SPIRE1: variants seen among roughly 807,000 people sequenced by gnomAD.
SPIRE1 encodes the protein protein spire homolog 1.
Under a neutral mutation model 94.1 loss-of-function variants are expected in SPIRE1, and 40 were observed. That is an observed-to-expected ratio of 0.43 (90% CI 0.33 to 0.55). The LOEUF (loss-of-function observed/expected upper bound fraction) is 0.55, where lower values mean the gene tolerates loss of function less well. Among genes scored for constraint, SPIRE1 ranks in the 20% least tolerant of loss-of-function variants. SPIRE1 has a pLI of 0.06. For synonymous variants in SPIRE1, 376 were observed against 371.7 expected (o/e 1.01, Z -0.13); for missense variants, 838 against 975.2 (o/e 0.86, Z 1.87).
intron 1 of SPIRE1, among the ~76,000 whole-genome samples, chr18:12,657,087 G>C (rs1221440227): frequency 1.3e-5 from 2 of 152,206 alleles, no homozygotes; most frequent in Non-Finnish European, 2.9e-5. Context: ...CTGAGGATCC[G>C]TGCGGAGCCC....
chr18:12,506,921 T>C (rs1673931017), intron 5 of SPIRE1, among the ~76,000 whole-genome samples: 1 of 152,196 alleles, frequency 6.6e-6, no homozygotes, highest in Non-Finnish European at 1.5e-5. Flanking sequence ...CCTGTGTCTA[T>C]GCCGTTATGT....
intron 3 of SPIRE1, among the ~76,000 whole-genome samples, chr18:12,539,228 G>A (rs1395296786): frequency 1.3e-5 from 2 of 152,118 alleles, no homozygotes; most frequent in Non-Finnish European, 2.9e-5. Flanking sequence ...GGGACCTGGT[G>A]GGAGGTAACT....
intron 2 of SPIRE1, among the ~76,000 whole-genome samples, chr18:12,592,031 CT>C (rs1330501054): frequency 7.1e-6 from 1 of 140,846 alleles, no homozygotes; most frequent in East Asian, 2.2e-4. Flanking sequence ...CAGGAATTAA[CT>C]TTAACTTTGA....
At chr18:12,512,779 T>C (rs923363730) in intron 4 of SPIRE1, among the ~76,000 whole-genome samples, 5 of 147,594 alleles carry the variant, frequency 3.4e-5, no homozygotes, top group East Asian at 2.0e-4. Context: ...CTTTTTCTTT[T>C]TTTTTTTTTT....
Position 12,535,566 on chromosome 18 carries a change from T to C in SPIRE1, c.639A>G (p.Ala213=). Residue 213 remains alanine, a synonymous_variant, in exon 4 of 17, where the codon GCA becomes GCG. Coordinates refer to ENST00000409402, the MANE Select transcript of SPIRE1 (RefSeq NM_001128626.2). The part of the protein sequence containing the change: ...CAAHLPTESD[A]PNHYQAVCRA... ...GACATACTGCCTGATAATGATTTGG[T>C]GCATCTGATTCAGTAGGGAGATGAG... The C allele has an allele frequency of 6.2e-7, 1 of 1,613,216 alleles. No homozygotes were observed. The highest frequency in any genetic ancestry group is 8.5e-7 in the Non-Finnish European group (1 of 1,179,286).
intron 2 of SPIRE1, among the ~76,000 whole-genome samples, chr18:12,617,701 T>C (rs2037351620): frequency 6.6e-6 from 1 of 151,880 alleles, no homozygotes; most frequent in Admixed American, 6.6e-5. Context: ...TGAGCCACCA[T>C]ACCCGGCCTC....
At chr18:12,581,601 T>C (rs1017531403) in intron 2 of SPIRE1, among the ~76,000 whole-genome samples, 8 of 152,204 alleles carry the variant, frequency 5.3e-5, no homozygotes, top group African/African-American at 1.9e-4. Context: ...CGGTGGCTCA[T>C]GCCCGTAATC....
intron 2 of SPIRE1, among the ~76,000 whole-genome samples, chr18:12,588,775 ATCTT>A (rs1289438128): frequency 6.6e-6 from 1 of 152,156 alleles, no homozygotes; most frequent in Non-Finnish European, 1.5e-5. Context: ...ATTTTCCTAA[ATCTT>A]TGTTTTTTTA....
intron 2 of SPIRE1, among the ~76,000 whole-genome samples, chr18:12,622,201 A>C (rs1302667685): frequency 2.0e-5 from 3 of 152,160 alleles, no homozygotes; most frequent in Non-Finnish European, 4.4e-5. Context: ...CTATTTATAC[A>C]ACTGCACCAC....
intron 2 of SPIRE1, among the ~76,000 whole-genome samples, chr18:12,568,598 T>C (rs1032694167): frequency 6.6e-6 from 1 of 152,252 alleles, no homozygotes; most frequent in African/African-American, 2.4e-5. Context: ...TTAATTTGCA[T>C]GTTTATGTGG....
At chr18:12,451,091 A>G (rs1430163999) in intron 16 of SPIRE1, 1 of 397,074 alleles carries the variant, frequency 2.5e-6, no homozygotes, top group East Asian at 5.2e-5. Flanking sequence ...AAAAGAAATA[A>G]TACTAAAAAC....
intron 2 of SPIRE1, among the ~76,000 whole-genome samples, chr18:12,557,472 C>T (rs118104420): frequency 0.01 from 1,584 of 152,330 alleles, 11 homozygotes; most frequent in Middle Eastern, 0.02. Flanking sequence ...CCACCCAGAA[C>T]TCATGCTGGC....
intron 2 of SPIRE1, among the ~76,000 whole-genome samples, chr18:12,569,759 C>G (rs1454082506): frequency 6.6e-6 from 1 of 152,086 alleles, no homozygotes; most frequent in African/African-American, 2.4e-5. Context: ...CCCCTTGCCC[C>G]CTTGGACATT....
At chr18:12,650,382 A>T (rs1259915350) in intron 1 of SPIRE1, among the ~76,000 whole-genome samples, 2 of 152,100 alleles carry the variant, frequency 1.3e-5, no homozygotes, top group Non-Finnish European at 2.9e-5. Flanking sequence ...AACATGGCAA[A>T]ATCTCTGTCT....
chr18:12,467,275 C>T (rs1426335304), intron 10 of SPIRE1, among the ~76,000 whole-genome samples: 1 of 151,972 alleles, frequency 6.6e-6, no homozygotes, highest in Non-Finnish European at 1.5e-5. Flanking sequence ...AAGACTCTGT[C>T]TCAAAAAACA....
chr18:12,538,811 TGA>T (rs2034918350), intron 3 of SPIRE1, among the ~76,000 whole-genome samples: 1 of 152,196 alleles, frequency 6.6e-6, no homozygotes, highest in African/African-American at 2.4e-5. Context: ...CATGCCCAGC[TGA>T]GAGTCATCCT....
chr18:12,603,487 T>G (rs2036892518), intron 2 of SPIRE1, among the ~76,000 whole-genome samples: 1 of 151,890 alleles, frequency 6.6e-6, no homozygotes, highest in African/African-American at 2.4e-5. Context: ...ACTAGAAAGA[T>G]GAAGGCATGA....
intron 1 of SPIRE1, among the ~76,000 whole-genome samples, chr18:12,648,485 T>C (rs2038286078): frequency 6.6e-6 from 1 of 152,004 alleles, no homozygotes; most frequent in Admixed American, 6.6e-5. Flanking sequence ...AGCTGACCAG[T>C]ACTTGCCAAG....
At chr18:12,633,230 C>T (rs532699563) in intron 2 of SPIRE1, among the ~76,000 whole-genome samples, 3 of 152,214 alleles carry the variant, frequency 2.0e-5, no homozygotes, top group African/African-American at 7.2e-5. Flanking sequence ...AAAATTCTAA[C>T]AATATAAAAA....
Sources: allele counts gnomAD v4.1 joint callset (sites outside exome capture counted in the v4.1 genomes callset), GRCh38; gene constraint gnomAD v4.1.1; transcripts MANE v1.5; gene names NCBI Gene and HGNC (gene_info 2026-07-23, HGNC 2026-07-21).